The following BCL2L2 variants were observed in gnomAD, a reference collection of about 807,000 sequenced individuals.
BCL2L2 encodes bcl-2-like protein 2.
A neutral mutation model predicts 14.6 loss-of-function variants in BCL2L2; 6 were observed. The ratio of observed to expected loss-of-function variants is 0.41; its 90% CI spans 0.22 to 0.81. The LOEUF (loss-of-function observed/expected upper bound fraction) is 0.81. BCL2L2 is among the 30% of genes least tolerant of loss of function. The pLI, the probability that BCL2L2 is intolerant of heterozygous loss-of-function variation, is 0.32. For synonymous variants in BCL2L2, 90 were observed against 108.5 expected, an observed-to-expected ratio of 0.83 and a Z score of 1.06; for missense variants, 191 against 260.5, an observed-to-expected ratio of 0.73 and a Z score of 1.84.
Position 23,311,027 on chromosome 14 carries a change from G to A in BCL2L2, c.*2062G>A, listed in dbSNP as rs1296201765. ...TACCACAGGACACATATCCCTGTTAGCATTCCCCGGGACCTTTAGCCAAGA... is the reference window on the plus strand; with the variant it reads ...TACCACAGGACACATATCCCTGTTAACATTCCCCGGGACCTTTAGCCAAGA... On this transcript the variant is annotated 3_prime_UTR_variant, in exon 4 of 4. Coordinates refer to ENST00000250405, the MANE Select transcript of BCL2L2 (RefSeq NM_004050.5). The A allele has an allele frequency of 7.8e-7, 1 of 1,289,544 alleles. No individual in the cohort carries two copies. The highest frequency in any genetic ancestry group is 1.0e-6 in the Non-Finnish European group (1 of 988,696). The allele number at this position is 1,289,544 out of a possible 1,614,324, so 79.9% of individuals were successfully genotyped here. A position where few individuals can be genotyped will look rare whatever the true frequency, so the allele number is the denominator to read the frequency against.
chr14:23,310,683 G>A lies in BCL2L2; in HGVS notation c.*1718G>A. 4 of 1,146,952 alleles carry A rather than the reference G, an allele frequency of 3.5e-6. No individual in the cohort carries two copies. Among genetic ancestry groups the A allele is most frequent in the Non-Finnish European group, 4.3e-6 (4 of 923,414 alleles). 71.0% of individuals were successfully genotyped at this position (1,146,952 alleles called of 1,614,324 possible). A position where few individuals can be genotyped will look rare whatever the true frequency, so the allele number is the denominator to read the frequency against. ...TTGTGGCAAGCAGTTGGGGTGGGGG[G>A]TCTCTGACTTGCTCAGGACAAACTA... On this transcript the variant is annotated 3_prime_UTR_variant, in exon 4 of 4. Coordinates refer to ENST00000250405, the MANE Select transcript of BCL2L2 (RefSeq NM_004050.5).
In BCL2L2 at chr14:23,310,840, C is replaced by A; in HGVS notation, c.*1875C>A. The A allele has an allele frequency of 8.1e-7, 1 of 1,227,532 alleles. No homozygotes were observed. Among genetic ancestry groups the A allele is most frequent in the Non-Finnish European group, 1.1e-6 (1 of 943,666 alleles). 76.0% of individuals were successfully genotyped at this position (1,227,532 alleles called of 1,614,324 possible). A position where few individuals can be genotyped will look rare whatever the true frequency, so the allele number is the denominator to read the frequency against. On this transcript the variant is annotated 3_prime_UTR_variant, in exon 4 of 4. Transcript: ENST00000250405. ...TTTGCCCTCAAACAGAACAGCTCCC[C>A]TTGTAGCTGTCTTACATATTGGGGT...
Position 23,309,262 on chromosome 14 carries a change from T to G in BCL2L2, c.*297T>G. On this transcript the variant is annotated 3_prime_UTR_variant, in exon 4 of 4. Transcript: ENST00000250405. The stretch of plus-strand genomic sequence containing the variant: ...ATAGGTGTGGGCACATGAAACGACC[T>G]GGAACTTGCTTCACAGCCCTGAGGA... 1.7e-6 allele frequency: 2 copies of G among 1,168,116 alleles called. No homozygotes were observed. The highest frequency in any genetic ancestry group is 8.7e-5 in the South Asian group (2 of 22,938). 72.4% of individuals were successfully genotyped at this position (1,168,116 alleles called of 1,614,324 possible).
rs767687695 is a variant in BCL2L2, at chr14:23,310,984, A to G, written c.*2019A>G. Reference sequence around the variant, plus strand: ...GCTTCCTTCCCCAGGTATGGAGCACACTCTTCACCCTACCCTCTACCACAG... The same window carrying G: ...GCTTCCTTCCCCAGGTATGGAGCACGCTCTTCACCCTACCCTCTACCACAG... On this transcript the variant is annotated 3_prime_UTR_variant, in exon 4 of 4. Transcript: ENST00000250405. 4 of 1,289,424 alleles carry G rather than the reference A, an allele frequency of 3.1e-6. No individual in the cohort carries two copies. In the African/African-American group the frequency reaches 4.6e-5, roughly 15 times the overall value. The allele number at this position is 1,289,424 out of a possible 1,614,324, so 79.9% of individuals were successfully genotyped here.
chr14:23,310,553 G>T lies in BCL2L2; in HGVS notation c.*1588G>T. ...GTGTTGAGTCCAGACTTCTGCTTTT[G>T]AGAGAGGGCTGCACTTTTTCATGGT... On this transcript the variant is annotated 3_prime_UTR_variant, in exon 4 of 4. Transcript: ENST00000250405. 1 of 1,060,958 alleles carries T rather than the reference G, an allele frequency of 9.4e-7. No homozygotes were observed. Among genetic ancestry groups the T allele is most frequent in the Non-Finnish European group, 1.1e-6 (1 of 875,920 alleles). The allele number at this position is 1,060,958 out of a possible 1,614,324, so 65.7% of individuals were successfully genotyped here.
Position 23,308,086 on chromosome 14 carries a change from T to A in BCL2L2, c.319T>A (p.Cys107Ser), listed in dbSNP as rs1887363397. 1.2e-6 allele frequency: 2 copies of A among 1,613,788 alleles called. No individual in the cohort carries two copies. The highest frequency in any genetic ancestry group is 1.7e-6 in the Non-Finnish European group (2 of 1,180,022). Residue 107 changes from cysteine (C) to serine (S), a missense_variant, in exon 3 of 4, where the codon TGT becomes AGT. Coordinates refer to ENST00000250405, the MANE Select transcript of BCL2L2 (RefSeq NM_004050.5). This position sits in a 1 kb window ranked among gnomAD's most constrained non-coding sequence, Gnocchi z 5.4. ...VAFFVFGAALCAESVNKEMEP... is the reference protein window; with the variant it reads ...VAFFVFGAALSAESVNKEMEP... ...CTTCTTTGTCTTTGGGGCTGCACTG[T>A]GTGCTGAGAGTGTCAACAAGGAGAT...
In BCL2L2 at chr14:23,310,544, T is replaced by G. The variant is rs773411996; in HGVS notation, c.*1579T>G. Reference sequence around the variant, plus strand: ...TGGCCTCAGGTGTTGAGTCCAGACTTCTGCTTTTGAGAGAGGGCTGCACTT... The same window carrying G: ...TGGCCTCAGGTGTTGAGTCCAGACTGCTGCTTTTGAGAGAGGGCTGCACTT... On this transcript the variant is annotated 3_prime_UTR_variant, in exon 4 of 4. Transcript: ENST00000250405. 1.4e-5 allele frequency: 15 copies of G among 1,059,046 alleles called. No individual in the cohort carries two copies. Among genetic ancestry groups the G allele is most frequent in the Non-Finnish European group, 1.6e-5 (14 of 874,722 alleles). The allele number at this position is 1,059,046 out of a possible 1,614,324, so 65.6% of individuals were successfully genotyped here.
chr14:23,311,650 T>A lies in BCL2L2; in HGVS notation c.*2685T>A. On this transcript the variant is annotated 3_prime_UTR_variant, in exon 4 of 4. Coordinates refer to ENST00000250405, the MANE Select transcript of BCL2L2 (RefSeq NM_004050.5). ...ATAAATCTATATTCCTGTATTTTTATTTAATAATTTATAAATACCAAGTTC... is the reference window on the plus strand; with the variant it reads ...ATAAATCTATATTCCTGTATTTTTAATTAATAATTTATAAATACCAAGTTC... 1 of 924,446 alleles carries A rather than the reference T, an allele frequency of 1.1e-6. No homozygotes were observed. Among genetic ancestry groups the A allele is most frequent in the Non-Finnish European group, 1.3e-6 (1 of 774,448 alleles). The allele number at this position is 924,446 out of a possible 1,614,324, so 57.3% of individuals were successfully genotyped here.
Position 23,310,636 on chromosome 14 carries a change from A to C in BCL2L2, c.*1671A>C. On this transcript the variant is annotated 3_prime_UTR_variant, in exon 4 of 4. Transcript: ENST00000250405. ...ACTTGGTCTTGTTGTGAGTATGCTGACACCAGAAACTCAGAGCCAGCTTGT... is the reference window on the plus strand; with the variant it reads ...ACTTGGTCTTGTTGTGAGTATGCTGCCACCAGAAACTCAGAGCCAGCTTGT... The C allele has an allele frequency of 8.9e-7, 1 of 1,128,822 alleles. No individual in the cohort carries two copies. The highest frequency in any genetic ancestry group is 1.1e-6 in the Non-Finnish European group (1 of 914,244). 69.9% of individuals were successfully genotyped at this position (1,128,822 alleles called of 1,614,324 possible). A position where few individuals can be genotyped will look rare whatever the true frequency, so the allele number is the denominator to read the frequency against.
chr14:23,307,994 A>C lies in BCL2L2; in HGVS notation c.227A>C (p.Gln76Pro). Reference protein sequence around the residue: ...AQLHVTPGSAQQRFTQVSDEL... With the variant: ...AQLHVTPGSAPQRFTQVSDEL... ...CTGCATGTGACCCCAGGCTCAGCCC[A>C]ACAACGCTTCACCCAGGTCTCCGAT... is the stretch of plus-strand genomic sequence containing the variant. The change falls in exon 3 of 4, where the codon CAA (glutamine) becomes CCA (proline). Residue 76 changes from glutamine (Q) to proline (P), a missense_variant. By Grantham distance (76) the Gln-to-Pro change is moderately conservative. Transcript: ENST00000250405. 6.2e-7 allele frequency: 1 copy of C among 1,614,160 alleles called. No individual in the cohort carries two copies. Among genetic ancestry groups the C allele is most frequent in the South Asian group, 1.1e-5 (1 of 91,082 alleles).
Position 23,310,969 on chromosome 14 carries a change from C to G in BCL2L2, c.*2004C>G, listed in dbSNP as rs759933515. 10 of 1,289,450 alleles carry G rather than the reference C, an allele frequency of 7.8e-6. No homozygotes were observed. The East Asian group carries it at 5.0e-4, about 64-fold the overall frequency. 79.9% of individuals were successfully genotyped at this position (1,289,450 alleles called of 1,614,324 possible). ...CAAATTGGAGTCTGTGCTTCCTTCCCCAGGTATGGAGCACACTCTTCACCC... is the reference window on the plus strand; with the variant it reads ...CAAATTGGAGTCTGTGCTTCCTTCCGCAGGTATGGAGCACACTCTTCACCC... On this transcript the variant is annotated 3_prime_UTR_variant, in exon 4 of 4. Coordinates refer to ENST00000250405, the MANE Select transcript of BCL2L2 (RefSeq NM_004050.5).
Position 23,310,864 on chromosome 14 carries a change from G to A in BCL2L2, c.*1899G>A. ...CCTTGTAGCTGTCTTACATATTGGG[G>A]TTCAGGGTAAGATTTTATTTGCATT... is the stretch of plus-strand genomic sequence containing the variant. On this transcript the variant is annotated 3_prime_UTR_variant, in exon 4 of 4. Coordinates refer to ENST00000250405, the MANE Select transcript of BCL2L2 (RefSeq NM_004050.5). 7.9e-7 allele frequency: 1 copy of A among 1,270,412 alleles called. No homozygotes were observed. The highest frequency in any genetic ancestry group is 1.0e-6 in the Non-Finnish European group (1 of 974,064). 78.7% of individuals were successfully genotyped at this position (1,270,412 alleles called of 1,614,324 possible). A position where few individuals can be genotyped will look rare whatever the true frequency, so the allele number is the denominator to read the frequency against.
intron 2 of BCL2L2, 81 bp from the exon 3 acceptor site, chr14:23,307,679 C>T: frequency 1.3e-6 from 2 of 1,495,038 alleles, no homozygotes; most frequent in Non-Finnish European, 1.8e-6. Context: ...CCTCATCTCA[C>T]TGGGTTGGTC....
Position 23,310,123 on chromosome 14 carries a change from G to A in BCL2L2, c.*1158G>A. ...CGGCTTTATCAGGGGCCAGGCATAT[G>A]GGTTCTAGAGTACCTACCATGACCT... On this transcript the variant is annotated 3_prime_UTR_variant, in exon 4 of 4. Transcript: ENST00000250405. 1 of 985,424 alleles carries A rather than the reference G, an allele frequency of 1.0e-6. No individual in the cohort carries two copies. The highest frequency in any genetic ancestry group is 1.2e-6 in the Non-Finnish European group (1 of 830,008). 61.0% of individuals were successfully genotyped at this position (985,424 alleles called of 1,614,324 possible). A position where few individuals can be genotyped will look rare whatever the true frequency, so the allele number is the denominator to read the frequency against.
In BCL2L2 at chr14:23,311,680, G is replaced by C; in HGVS notation, c.*2715G>C. On this transcript the variant is annotated 3_prime_UTR_variant, in exon 4 of 4. Transcript: ENST00000250405. ...TAATTTATAAATACCAAGTTCATTTGACTTTTATTTTTGTGTAATATGTAA... is the reference window on the plus strand; with the variant it reads ...TAATTTATAAATACCAAGTTCATTTCACTTTTATTTTTGTGTAATATGTAA... 2 of 928,484 alleles carry C rather than the reference G, an allele frequency of 2.2e-6. No individual in the cohort carries two copies. Among genetic ancestry groups the C allele is most frequent in the Non-Finnish European group, 2.6e-6 (2 of 778,412 alleles). 57.5% of individuals were successfully genotyped at this position (928,484 alleles called of 1,614,324 possible).
Position 23,309,480 on chromosome 14 carries a change from C to CTGG in BCL2L2, c.*521_*523dup. 1.7e-5 allele frequency: 17 copies of CTGG among 986,636 alleles called. No homozygotes were observed. Among genetic ancestry groups the CTGG allele is most frequent in the Non-Finnish European group, 2.0e-5 (17 of 830,714 alleles). 61.1% of individuals were successfully genotyped at this position (986,636 alleles called of 1,614,324 possible). A position where few individuals can be genotyped will look rare whatever the true frequency, so the allele number is the denominator to read the frequency against. On this transcript the variant is annotated 3_prime_UTR_variant, in exon 4 of 4. Coordinates refer to ENST00000250405, the MANE Select transcript of BCL2L2 (RefSeq NM_004050.5). Reference sequence around the variant, plus strand: ...GTGCATGCTGGGCTGCCTGGCAAATCTGGTGGTGATGGGATTCCTCAAGGA... The same window carrying CTGG: ...GTGCATGCTGGGCTGCCTGGCAAATCTGGTGGTGGTGATGGGATTCCTCAAGGA...
chr14:23,308,759 T>A lies in BCL2L2; in HGVS notation c.433-57T>A, dbSNP rs1347911639. 2.4e-6 allele frequency: 3 copies of A among 1,267,750 alleles called. No homozygotes were observed. Among genetic ancestry groups the A allele is most frequent in the Non-Finnish European group, 3.1e-6 (3 of 978,746 alleles). 78.5% of individuals were successfully genotyped at this position (1,267,750 alleles called of 1,614,324 possible). On this transcript the variant is annotated intron_variant, in intron 3 of 3. Transcript: ENST00000250405. This position sits in a 1 kb window ranked among gnomAD's most constrained non-coding sequence, Gnocchi z 5.4. ...TTCCTCTCCTCTTCTCTCCACTCTT[T>A]CCTCTCCTGATATCCCTTTCTCCTT...
chr14:23,308,228 A>C lies in BCL2L2; in HGVS notation c.432+29A>C. ...AGAAGCTTCTCAATTGCCGCTCTGC[A>C]CATCCTTCTGCAAAGCTGGTCTCCA... On this transcript the variant is annotated intron_variant, in intron 3 of 3. Coordinates refer to ENST00000250405, the MANE Select transcript of BCL2L2 (RefSeq NM_004050.5). The surrounding 1 kb of genome is among the most constrained non-coding windows in gnomAD (Gnocchi z 5.4). The C allele has an allele frequency of 6.4e-7, 1 of 1,574,134 alleles. No individual in the cohort carries two copies.
At position 23,310,248 on chromosome 14, in the gene BCL2L2, C is replaced by T; in HGVS notation, c.*1283C>T. The T allele has an allele frequency of 1.0e-6, 1 of 985,988 alleles. No individual in the cohort carries two copies. The highest frequency in any genetic ancestry group is 1.2e-6 in the Non-Finnish European group (1 of 830,056). 61.1% of individuals were successfully genotyped at this position (985,988 alleles called of 1,614,324 possible). A position where few individuals can be genotyped will look rare whatever the true frequency, so the allele number is the denominator to read the frequency against. Reference sequence around the variant, plus strand: ...TGTTAACTTTGGAACTCGCAGTCCTCTAGAACAGCTTCAGATTATGGCTTT... The same window carrying T: ...TGTTAACTTTGGAACTCGCAGTCCTTTAGAACAGCTTCAGATTATGGCTTT... On this transcript the variant is annotated 3_prime_UTR_variant, in exon 4 of 4. Transcript: ENST00000250405.
Sources: gnomAD v4.1 joint callset for allele counts on GRCh38, gnomAD v4.1.1 for gene constraint, Gnocchi (gnomAD v3.1) non-coding constraint, MANE v1.5 for transcripts, NCBI Gene and HGNC (gene_info 2026-07-23, HGNC 2026-07-21) for gene names.